Variants in GGNBP2 observed in about 807,000 individuals in gnomAD.
GGNBP2 encodes gametogenetin binding protein 2.
A neutral mutation model predicts 85.9 loss-of-function variants in GGNBP2; 10 were observed. That is an observed-to-expected ratio of 0.12 (90% CI 0.07 to 0.20). The LOEUF is 0.20. GGNBP2 is among the 10% of genes least tolerant of loss of function. The pLI, the probability that GGNBP2 is intolerant of heterozygous loss-of-function variation, is 1.00. For missense variants in GGNBP2, 595 were observed against 857.8 expected, an observed-to-expected ratio of 0.69 and a Z score of 3.83; for synonymous variants, 287 against 285.7, an observed-to-expected ratio of 1.00 and a Z score of -0.05.
At chr17:36,561,737 C>T (rs1453914623) in intron 5 of GGNBP2, among the ~76,000 whole-genome samples, 1 of 151,880 alleles carries the variant, frequency 6.6e-6, no homozygotes, top group Non-Finnish European at 1.5e-5. Flanking sequence ...TGTTCTCCTG[C>T]CCCAGCCTCC....
At chr17:36,562,253 G>C in intron 5 of GGNBP2, among the ~76,000 whole-genome samples, 1 of 152,086 alleles carries the variant, frequency 6.6e-6, no homozygotes, top group Non-Finnish European at 1.5e-5. Flanking sequence ...TGCAACCTCT[G>C]CCTCTTGGGT....
At chr17:36,578,738 C>T (rs939533693) in intron 7 of GGNBP2, 1 of 154,758 alleles carries the variant, frequency 6.5e-6, no homozygotes, top group Non-Finnish European at 1.4e-5. Flanking sequence ...GGTATCAACC[C>T]TCATTTGAGT....
At chr17:36,582,519 A>G (rs2074661442) in intron 9 of GGNBP2, 2 of 152,226 alleles carry the variant, frequency 1.3e-5, no homozygotes, top group Admixed American at 6.5e-5. Flanking sequence ...TCTTGGTTGA[A>G]TTTATGGATG....
chr17:36,563,267 G>GAAAT (rs746688178), intron 5 of GGNBP2, among the ~76,000 whole-genome samples: 67 of 151,720 alleles, frequency 4.4e-4, no homozygotes, highest in Middle Eastern at 3.4e-3. Flanking sequence ...ACTTTGTCTC[G>GAAAT]AAATAAATAA....
intron 2 of GGNBP2, 28 bp downstream of exon 2, chr17:36,545,845 G>A (rs781468186): frequency 6.7e-7 from 1 of 1,484,494 alleles, no homozygotes; most frequent in Admixed American, 2.0e-5. Flanking sequence ...GGCTGGGCCC[G>A]CCGCTCCCCT....
intron 6 of GGNBP2, among the ~76,000 whole-genome samples, chr17:36,573,410 CTTTGTCCATTCATACATTGA>C (rs2074546240): frequency 6.6e-6 from 1 of 152,114 alleles, no homozygotes; most frequent in Non-Finnish European, 1.5e-5. Context: ...ATTCACATTT[CTTTGTCCATTCATACATTGA>C]TGGACATTGA....
intron 3 of GGNBP2, among the ~76,000 whole-genome samples, chr17:36,555,171 G>A (rs2074350031): frequency 6.6e-6 from 1 of 152,176 alleles, no homozygotes; most frequent in Admixed American, 6.6e-5. Context: ...GTTTTTAAAA[G>A]ATAAGGTATA....
chr17:36,545,700 G>C lies in GGNBP2; in HGVS notation c.-25G>C, dbSNP rs1315398168. On this transcript the variant is annotated 5_prime_UTR_variant, in exon 2 of 14. Transcript: ENST00000613102. The stretch of plus-strand genomic sequence containing the variant: ...GCGGCAGCTGGGAGGAGGTGGTGAC[G>C]GTGGCAACGGCAGCGTCGGGGACGA... 6.5e-7 allele frequency: 1 copy of C among 1,542,258 alleles called. No individual in the cohort carries two copies. The highest frequency in any genetic ancestry group is 1.9e-5 in the Admixed American group (1 of 51,872).
In GGNBP2 at chr17:36,578,172, A is replaced by G. The variant is rs1390867086; in HGVS notation, c.831A>G (p.Pro277=). The G allele has an allele frequency of 3.1e-6, 5 of 1,609,670 alleles. No individual in the cohort carries two copies. The highest frequency in any genetic ancestry group is 4.3e-6 in the Non-Finnish European group (5 of 1,176,162). Residue 277 remains proline, a synonymous_variant, in exon 7 of 14, where the codon CCA becomes CCG. Transcript: ENST00000613102. ...CACATCTTTTGGGTCGTGCTGAGCC[A>G]GAGTTCGCAGGAGGGTATGAGTATG... ...FIAHLLGRAE[P]EFAGGRRERH...
intron 6 of GGNBP2, among the ~76,000 whole-genome samples, chr17:36,575,644 A>ATATG (rs2074572229): frequency 1.9e-5 from 1 of 52,488 alleles, no homozygotes; most frequent in South Asian, 6.7e-4. Flanking sequence ...ATATATATAT[A>ATATG]TATATTTTTT....
intron 7 of GGNBP2, chr17:36,578,669 A>C (rs948321953): frequency 6.4e-6 from 1 of 155,844 alleles, no homozygotes; most frequent in African/African-American, 2.4e-5. Flanking sequence ...TTGTTGTAAA[A>C]ATAAAATCAG....
chr17:36,555,490 T>TG (rs1465509300), intron 3 of GGNBP2, among the ~76,000 whole-genome samples: 1 of 152,214 alleles, frequency 6.6e-6, no homozygotes. Context: ...GTTCAGTAGT[T>TG]GGAGACCAGC....
chr17:36,574,969 G>C (rs1325741905), intron 6 of GGNBP2: 41 of 1,495,486 alleles, frequency 2.7e-5, no homozygotes, highest in Non-Finnish European at 3.7e-5. Context: ...CAAACATCTT[G>C]AACCTGGTGC....
chr17:36,563,199 G>A (rs2074436756), intron 5 of GGNBP2, among the ~76,000 whole-genome samples: 1 of 152,124 alleles, frequency 6.6e-6, no homozygotes, highest in Non-Finnish European at 1.5e-5. Context: ...CCAGGAGGCA[G>A]AGGTTGCATT....
At chr17:36,574,684 A>G in intron 6 of GGNBP2, 1 of 629,438 alleles carries the variant, frequency 1.6e-6, no homozygotes, top group Admixed American at 2.6e-5. Flanking sequence ...AGCAGTCATC[A>G]ATACCAGCCA....
chr17:36,575,642 ATATATATT>A (rs1333479169), intron 6 of GGNBP2, among the ~76,000 whole-genome samples: 7 of 51,616 alleles, frequency 1.4e-4, no homozygotes, highest in Admixed American at 9.7e-4. Flanking sequence ...ATATATATAT[ATATATATT>A]TTTTTTTTTT....
intron 6 of GGNBP2, among the ~76,000 whole-genome samples, chr17:36,570,980 A>G (rs747805171): frequency 1.3e-5 from 2 of 152,176 alleles, no homozygotes; most frequent in Admixed American, 1.3e-4. Context: ...AGATTGTGCT[A>G]CTGCACTCAA....
At chr17:36,545,460 C>T (rs2074241443) in intron 1 of GGNBP2, 159 bp from the exon 2 acceptor site, 1 of 402,648 alleles carries the variant, frequency 2.5e-6, no homozygotes, top group Non-Finnish European at 4.4e-6. Context: ...GGGGCGGGTC[C>T]CGGCGGCGCT....
intron 6 of GGNBP2, among the ~76,000 whole-genome samples, chr17:36,572,839 T>C (rs971161496): frequency 1.3e-5 from 2 of 152,226 alleles, no homozygotes; most frequent in South Asian, 2.1e-4. Flanking sequence ...AACACCTTTT[T>C]TCTCCCCTCA....
Sources: gnomAD v4.1 joint callset for allele counts (sites outside exome capture counted in the v4.1 genomes callset) on GRCh38, gnomAD v4.1.1 for gene constraint, MANE v1.5 for transcripts, NCBI Gene and HGNC (gene_info 2026-07-23, HGNC 2026-07-21) for gene names.